Variants in OPCML observed in about 807,000 individuals in gnomAD.
OPCML encodes opioid-binding protein/cell adhesion molecule.
A neutral mutation model predicts 37.8 loss-of-function variants in OPCML; 13 were observed. That is an observed-to-expected ratio of 0.34 (90% CI 0.22 to 0.55). The LOEUF is 0.55. OPCML is among the 20% of genes least tolerant of loss of function. The pLI, the probability that OPCML is intolerant of heterozygous loss-of-function variation, is 0.91. For synonymous variants in OPCML, 176 were observed against 168.8 expected (o/e 1.04, Z -0.33); for missense variants, 341 against 435.6 (o/e 0.78, Z 1.93).
intron 1 of OPCML, among the ~76,000 whole-genome samples, chr11:133,315,635 C>T (rs867124529): frequency 4.6e-5 from 7 of 152,170 alleles, no homozygotes; most frequent in Admixed American, 1.3e-4. Flanking sequence ...CCTGTCTCTA[C>T]TAAAAATACA....
intron 2 of OPCML, among the ~76,000 whole-genome samples, chr11:132,933,130 G>C (rs114252097): frequency 0.033 from 5,082 of 152,264 alleles, 105 homozygotes; most frequent in Middle Eastern, 0.072. Context: ...GTTGCTGATA[G>C]GTATTCAGGG....
chr11:132,712,646 C>T (rs1431238749), intron 2 of OPCML, among the ~76,000 whole-genome samples: 2 of 152,338 alleles, frequency 1.3e-5, no homozygotes, highest in Admixed American at 6.5e-5. Context: ...AGGTTCATCA[C>T]GTTTCATTCG....
Position 132,705,509 on chromosome 11 carries a change from C to T in OPCML, c.147-48190G>A, listed in dbSNP as rs141206475. 4.1e-3 allele frequency among the ~76,000 whole-genome samples: 623 copies of T among 152,196 alleles called. 9 individuals carry two copies. The highest frequency in any genetic ancestry group is 0.014 in the African/African-American group (580 of 41,526). Reference sequence around the variant, plus strand: ...TAAGGTGGCTGAGGTGGAAGGATCTCTTGAGCCCAGGAGGCAGAGGGTGCA... The same window carrying T: ...TAAGGTGGCTGAGGTGGAAGGATCTTTTGAGCCCAGGAGGCAGAGGGTGCA... On this transcript the variant is annotated intron_variant, in intron 2 of 7. Coordinates refer to ENST00000524381, the MANE Select transcript of OPCML (RefSeq NM_001012393.5).
At chr11:132,551,522 G>C (rs1343492387) in intron 3 of OPCML, among the ~76,000 whole-genome samples, 2 of 152,092 alleles carry the variant, frequency 1.3e-5, no homozygotes, top group African/African-American at 4.8e-5. Flanking sequence ...CTCACGGCTG[G>C]AGGCTACAAG....
chr11:132,827,984 A>G (rs1413989767), intron 2 of OPCML, among the ~76,000 whole-genome samples: 1 of 152,162 alleles, frequency 6.6e-6, no homozygotes, highest in Non-Finnish European at 1.5e-5. Context: ...AAACTCGCAA[A>G]CAACCAAGAT....
At chr11:133,182,081 C>T (rs548975644) in intron 1 of OPCML, among the ~76,000 whole-genome samples, 1 of 152,268 alleles carries the variant, frequency 6.6e-6, no homozygotes, top group East Asian at 1.9e-4. Flanking sequence ...TGATTAACAC[C>T]TTCAGATTTT....
intron 3 of OPCML, among the ~76,000 whole-genome samples, chr11:132,627,937 A>C (rs1939848111): frequency 6.6e-6 from 1 of 152,286 alleles, no homozygotes; most frequent in South Asian, 2.1e-4. Context: ...TATAATGTGT[A>C]ATATTTGGAA....
intron 2 of OPCML, among the ~76,000 whole-genome samples, chr11:132,791,887 G>A (rs950961867): frequency 1.3e-5 from 2 of 152,144 alleles, no homozygotes; most frequent in African/African-American, 4.8e-5. Flanking sequence ...GAGCTTCTGG[G>A]GCAGATGATG....
rs145298846 is a variant in OPCML at position 133,112,378 on chromosome 11, C to T, written c.62-169368G>A. ...TTGAATGTAAAAGCAGAAAAATAAA[C>T]GTTGATACTAAAAATCAACATTTGT... On this transcript the variant is annotated intron_variant, in intron 1 of 7. Transcript: ENST00000524381. Among the ~76,000 whole-genome samples, 494 of 134,098 alleles carry T rather than the reference C, an allele frequency of 3.7e-3. 1 individual carries two copies. Among genetic ancestry groups the T allele is most frequent in the African/African-American group, 0.013 (472 of 37,098 alleles). The allele number at this position is 134,098 out of a possible 152,430, so 88.0% of individuals were successfully genotyped here.
At chr11:132,615,656 C>T (rs1938961765) in intron 3 of OPCML, among the ~76,000 whole-genome samples, 2 of 151,766 alleles carry the variant, frequency 1.3e-5, no homozygotes, top group South Asian at 4.2e-4. Flanking sequence ...AGTGCTATGC[C>T]ATTTTATATA....
intron 1 of OPCML, among the ~76,000 whole-genome samples, chr11:133,140,667 A>AAAAGAAG (rs5795823): frequency 0.91 from 126,344 of 139,538 alleles, 57,481 homozygotes; most frequent in East Asian, 0.98. Context: ...AGAAAAGAAG[A>AAAAGAAG]AAAGAAGAAA....
intron 2 of OPCML, among the ~76,000 whole-genome samples, chr11:132,700,216 G>T (rs922667644): frequency 2.0e-5 from 3 of 151,564 alleles, no homozygotes; most frequent in African/African-American, 4.8e-5. Flanking sequence ...CTAGCTAAAG[G>T]TTAGTCACTC....
intron 1 of OPCML, among the ~76,000 whole-genome samples, chr11:133,481,452 T>TAAAG (rs1947369853): frequency 6.7e-6 from 1 of 149,652 alleles, no homozygotes; most frequent in African/African-American, 2.5e-5. Flanking sequence ...AAAAAATAAA[T>TAAAG]AAATAAATAA....
rs1038852251 is a variant in OPCML, at chr11:133,174,194, C to T, written c.62-231184G>A. On this transcript the variant is annotated intron_variant, in intron 1 of 7. Transcript: ENST00000524381. The surrounding 1 kb of genome is among the most constrained non-coding windows in gnomAD (Gnocchi z 4.6). The stretch of plus-strand genomic sequence containing the variant: ...CTTTGGCACAAAGAAATGCTTCCCT[C>T]CCCTACCACGACAGGAAGAAGGAAA... Among the ~76,000 whole-genome samples the T allele has an allele frequency of 3.3e-5, 5 of 152,292 alleles. No homozygotes were observed. Among genetic ancestry groups the T allele is most frequent in the African/African-American group, 1.2e-4 (5 of 41,558 alleles).
intron 1 of OPCML, among the ~76,000 whole-genome samples, chr11:133,099,913 T>C (rs188013677): frequency 3.1e-4 from 47 of 152,330 alleles, no homozygotes; most frequent in Admixed American, 2.1e-3. Context: ...TGAAGCTCTT[T>C]AGCTTAATTA....
At chr11:133,247,980 T>C (rs992539843) in intron 1 of OPCML, among the ~76,000 whole-genome samples, 2 of 152,064 alleles carry the variant, frequency 1.3e-5, no homozygotes, top group East Asian at 1.9e-4. Flanking sequence ...TTCAGATGAG[T>C]GCCAGGTTGG....
At chr11:132,776,213 A>C (rs1330140380) in intron 2 of OPCML, among the ~76,000 whole-genome samples, 1 of 152,218 alleles carries the variant, frequency 6.6e-6, no homozygotes, top group Non-Finnish European at 1.5e-5. Flanking sequence ...ATAGGTGTTG[A>C]GTCACCGCGC....
At chr11:132,512,214 C>T (rs1047704924) in intron 4 of OPCML, among the ~76,000 whole-genome samples, 1 of 152,034 alleles carries the variant, frequency 6.6e-6, no homozygotes, top group Non-Finnish European at 1.5e-5. Flanking sequence ...AGACAGGATA[C>T]TATACAATGA....
chr11:133,385,992 T>C, intron 1 of OPCML, among the ~76,000 whole-genome samples: 1 of 151,730 alleles, frequency 6.6e-6, no homozygotes, highest in East Asian at 1.9e-4. Flanking sequence ...TTCTAAACAT[T>C]GCTTCAAGGA....
Sources: allele counts gnomAD v4.1 joint callset (sites outside exome capture counted in the v4.1 genomes callset), GRCh38; gene constraint gnomAD v4.1.1; non-coding constraint Gnocchi (gnomAD v3.1); transcripts MANE v1.5; gene names NCBI Gene and HGNC (gene_info 2026-07-23, HGNC 2026-07-21).